CYRIA: variants seen among roughly 807,000 people sequenced by gnomAD.
CYRIA encodes the protein CYFIP-related Rac1 interactor A.
CYRIA carries 15 observed loss-of-function variants against 43.9 expected under a neutral mutation model. The ratio of observed to expected loss-of-function variants is 0.34; its 90% CI spans 0.23 to 0.53. The LOEUF is 0.53. Among genes scored for constraint, CYRIA ranks in the 20% least tolerant of loss-of-function variants. CYRIA has a pLI of 0.94. For synonymous variants in CYRIA, 117 were observed against 136.0 expected (o/e 0.86, Z 0.97); for missense variants, 236 against 394.2 (o/e 0.60, Z 3.40).
At chr2:16,566,011 C>G (rs763168780) in intron 3 of CYRIA, among the ~76,000 whole-genome samples, 10 of 152,146 alleles carry the variant, frequency 6.6e-5, no homozygotes, top group African/African-American at 9.7e-5. Flanking sequence ...CAGGAGTCAT[C>G]ATAGGCACTT....
At chr2:16,562,791 G>A (rs1244432470) in intron 5 of CYRIA, among the ~76,000 whole-genome samples, 1 of 152,050 alleles carries the variant, frequency 6.6e-6, no homozygotes, top group Non-Finnish European at 1.5e-5. Context: ...GCCAAATCCG[G>A]TCCATTACTT....
intron 1 of CYRIA, among the ~76,000 whole-genome samples, chr2:16,662,859 C>A (rs757724901): frequency 7.9e-5 from 12 of 152,348 alleles, no homozygotes; most frequent in Non-Finnish European, 1.2e-4. Context: ...TTTTATCATA[C>A]CACCTGTCTA....
rs185216815 is a variant in CYRIA at position 16,606,778 on chromosome 2, T to C, written c.-11+17086A>G. Among the ~76,000 whole-genome samples the C allele has an allele frequency of 1.9e-3, 282 of 152,170 alleles. 1 individual carries two copies. Among genetic ancestry groups the C allele is most frequent in the Admixed American group, 3.1e-3 (48 of 15,290 alleles). ...GCAGAATTCGATGGCCCCAGGACCT[T>C]GGGATGACTCGACATCTAAGAAGGT... On this transcript the variant is annotated intron_variant, in intron 2 of 11. Coordinates refer to ENST00000381323, the MANE Select transcript of CYRIA (RefSeq NM_030797.4).
At chr2:16,645,977 T>A (rs1246156166) in intron 1 of CYRIA, among the ~76,000 whole-genome samples, 1 of 152,170 alleles carries the variant, frequency 6.6e-6, no homozygotes, top group Non-Finnish European at 1.5e-5. Context: ...TCCCTGACAG[T>A]TTGTGACAAA....
intron 1 of CYRIA, among the ~76,000 whole-genome samples, chr2:16,629,079 C>G (rs1463272237): frequency 1.3e-5 from 2 of 152,040 alleles, no homozygotes; most frequent in East Asian, 3.9e-4. Context: ...CCATTGAGGA[C>G]AGCCTGAGAC....
chr2:16,587,995 A>C (rs1667794720), intron 3 of CYRIA, 55 bp downstream of exon 3: 1 of 1,112,302 alleles, frequency 9.0e-7, no homozygotes, highest in South Asian at 1.4e-5. Context: ...CTTCCTTATC[A>C]ACAATCTATA....
chr2:16,654,712 T>A (rs1022329393), intron 1 of CYRIA, among the ~76,000 whole-genome samples: 3 of 152,178 alleles, frequency 2.0e-5, no homozygotes, highest in Admixed American at 1.3e-4. Context: ...TTAGAAGGTG[T>A]CTGTGGGATG....
chr2:16,623,140 G>A (rs1669051809), intron 2 of CYRIA: 1 of 152,198 alleles, frequency 6.6e-6, no homozygotes, highest in African/African-American at 2.4e-5. Flanking sequence ...CACTGGGCCT[G>A]CGTAAGAGAG....
intron 2 of CYRIA, among the ~76,000 whole-genome samples, chr2:16,608,715 T>C (rs1668492870): frequency 1.3e-5 from 2 of 152,360 alleles, no homozygotes; most frequent in African/African-American, 2.4e-5. Context: ...GCATCTGGCA[T>C]GCAGTAGGTC....
intron 2 of CYRIA, among the ~76,000 whole-genome samples, chr2:16,603,857 G>T (rs756374341): frequency 6.6e-6 from 1 of 152,160 alleles, no homozygotes; most frequent in Non-Finnish European, 1.5e-5. Context: ...CAAAGCCTAC[G>T]TCATGAGCCT....
intron 5 of CYRIA, 50 bp downstream of exon 5, chr2:16,563,939 C>T: frequency 1.4e-6 from 2 of 1,404,830 alleles, no homozygotes; most frequent in South Asian, 1.2e-5. Flanking sequence ...ACTCAAACAT[C>T]AAAACAGAAC....
At chr2:16,610,219 C>T (rs548917598) in intron 2 of CYRIA, among the ~76,000 whole-genome samples, 22 of 152,320 alleles carry the variant, frequency 1.4e-4, no homozygotes, top group Middle Eastern at 3.4e-3. Flanking sequence ...CTTTTAGAAA[C>T]GAGAACACTG....
intron 2 of CYRIA, among the ~76,000 whole-genome samples, chr2:16,605,723 T>C (rs894014283): frequency 1.3e-5 from 2 of 152,248 alleles, no homozygotes; most frequent in African/African-American, 2.4e-5. Flanking sequence ...GCTGTTCTGA[T>C]AGTGAATTCG....
At chr2:16,642,869 C>A (rs888077232) in intron 1 of CYRIA, among the ~76,000 whole-genome samples, 2 of 152,140 alleles carry the variant, frequency 1.3e-5, no homozygotes, top group Non-Finnish European at 2.9e-5. Context: ...CCCTTTTCAA[C>A]TGCAATGGCC....
At chr2:16,557,223 G>T (rs541646665) in intron 10 of CYRIA, among the ~76,000 whole-genome samples, 1 of 152,262 alleles carries the variant, frequency 6.6e-6, no homozygotes, top group Admixed American at 6.5e-5. Flanking sequence ...CTGCCTGGAG[G>T]ACTCTGCTTT....
intron 10 of CYRIA, 75 bp downstream of exon 10, chr2:16,559,385 C>T: frequency 6.5e-7 from 1 of 1,536,414 alleles, no homozygotes. Context: ...TCCTGAGGTG[C>T]CTGAGGAAGA....
chr2:16,664,127 A>G (rs891411297), intron 1 of CYRIA, among the ~76,000 whole-genome samples: 1 of 152,168 alleles, frequency 6.6e-6, no homozygotes, highest in African/African-American at 2.4e-5. Context: ...ATCTATTTTT[A>G]GCACTGAGGC....
chr2:16,560,266 T>C (rs1328461438), intron 9 of CYRIA, among the ~76,000 whole-genome samples: 1 of 152,142 alleles, frequency 6.6e-6, no homozygotes, highest in African/African-American at 2.4e-5. Flanking sequence ...TTAACTTTGG[T>C]ACAAGTGAAA....
chr2:16,611,449 C>T (rs1312549861), intron 2 of CYRIA, among the ~76,000 whole-genome samples: 1 of 152,162 alleles, frequency 6.6e-6, no homozygotes, highest in Non-Finnish European at 1.5e-5. Flanking sequence ...CTAAATAAAA[C>T]ATGGCTCTTG....
Sources: gnomAD v4.1 joint callset for allele counts (sites outside exome capture counted in the v4.1 genomes callset) on GRCh38, gnomAD v4.1.1 for gene constraint, MANE v1.5 for transcripts, NCBI Gene and HGNC (gene_info 2026-07-23, HGNC 2026-07-21) for gene names.